Variants in CNKSR3 observed in about 807,000 individuals in gnomAD.
The protein encoded by CNKSR3 is CNKSR family member 3, also known as connector enhancer of kinase suppressor of ras 3.
CNKSR3 carries 36 observed loss-of-function variants against 67.7 expected under a neutral mutation model. The ratio of observed to expected loss-of-function variants is 0.53; its 90% confidence interval spans 0.41 to 0.70. CNKSR3 has a LOEUF of 0.70. CNKSR3 is among the 30% of genes least tolerant of loss of function. The pLI is 0.00. For synonymous variants in CNKSR3, 281 were observed against 271.4 expected (o/e 1.04, Z -0.35); for missense variants, 630 against 695.2 (o/e 0.91, Z 1.05).
intron 4 of CNKSR3, among the ~76,000 whole-genome samples, chr6:154,435,646 C>A (rs72995423): frequency 6.6e-6 from 1 of 152,180 alleles, no homozygotes; most frequent in South Asian, 2.1e-4. Flanking sequence ...TGTTTTTTGG[C>A]ATGAAGGCAA....
chr6:154,445,278 T>C (rs947243972), intron 2 of CNKSR3, among the ~76,000 whole-genome samples: 5 of 152,218 alleles, frequency 3.3e-5, no homozygotes, highest in Non-Finnish European at 7.3e-5. Context: ...TATTTTTCTA[T>C]CTAAATGTGA....
chr6:154,506,328 A>T (rs529074947), intron 1 of CNKSR3, among the ~76,000 whole-genome samples: 1 of 152,326 alleles, frequency 6.6e-6, no homozygotes, highest in East Asian at 1.9e-4. Context: ...GGAGGTAGTG[A>T]GGGAGGGAGG....
intron 8 of CNKSR3, 79 bp downstream of exon 8, chr6:154,422,836 T>C: frequency 7.5e-7 from 1 of 1,327,546 alleles, no homozygotes; most frequent in Non-Finnish European, 1.1e-6. Context: ...GCGGCAAATT[T>C]TAAAAATTTA....
In CNKSR3 at chr6:154,411,005, T is replaced by C. The variant is rs558890277; in HGVS notation, c.1208A>G (p.Asp403Gly). ...RRRRFTIADS[D>G]QLPGYSVETN... is the part of the protein sequence containing the mutation. Reference sequence around the variant, plus strand: ...TTCCACCGAGTACCCAGGCAACTGATCCGAGTCTGCAATGGTGAATCTTCG... The same window carrying C: ...TTCCACCGAGTACCCAGGCAACTGACCCGAGTCTGCAATGGTGAATCTTCG... Residue 403 changes from aspartate (D) to glycine (G), a missense_variant, in exon 11 of 13, where the codon GAT becomes GGT. Physicochemically the swap from Asp to Gly is moderately conservative, Grantham distance 94. This residue lies in a region of CNKSR3 where 308 missense variants were observed against 299.6 expected (regional missense o/e 1.03). Transcript: ENST00000607772. The C allele has an allele frequency of 1.9e-6, 3 of 1,614,180 alleles. No individual in the cohort carries two copies. The highest frequency in any genetic ancestry group is 1.1e-5 in the South Asian group (1 of 91,068).
intron 2 of CNKSR3, among the ~76,000 whole-genome samples, chr6:154,443,057 C>T (rs1019078439): frequency 2.0e-5 from 3 of 152,056 alleles, no homozygotes; most frequent in Non-Finnish European, 4.4e-5. Flanking sequence ...ACCACCATGC[C>T]GGGCTAATTT....
At chr6:154,506,495 C>G (rs1787106822) in intron 1 of CNKSR3, among the ~76,000 whole-genome samples, 2 of 152,248 alleles carry the variant, frequency 1.3e-5, no homozygotes, top group African/African-American at 2.4e-5. Context: ...AAGGGGAAGA[C>G]TTGGCTGCTA....
At chr6:154,489,979 C>G (rs1394409828) in intron 1 of CNKSR3, among the ~76,000 whole-genome samples, 1 of 152,164 alleles carries the variant, frequency 6.6e-6, no homozygotes, top group Non-Finnish European at 1.5e-5. Flanking sequence ...CGCCTTCCCC[C>G]ACCCCAGTCT....
At chr6:154,490,901 C>A (rs1786772407) in intron 1 of CNKSR3, among the ~76,000 whole-genome samples, 1 of 151,822 alleles carries the variant, frequency 6.6e-6, no homozygotes, top group East Asian at 1.9e-4. Context: ...GGCTGGAGTG[C>A]AATGGCATGA....
Position 154,510,236 on chromosome 6 carries a change from G to A in CNKSR3, c.-122C>T. 2 of 1,144,660 alleles carry A rather than the reference G, an allele frequency of 1.7e-6. No homozygotes were observed. The highest frequency in any genetic ancestry group is 1.5e-5 in the African/African-American group (1 of 65,876). 70.9% of individuals were successfully genotyped at this position (1,144,660 alleles called of 1,614,324 possible). ...TGCTCCCCTGCGCCCGAGCGACTCC[G>A]TCAAGACTGCATGGCCGCGGTCAGC... On this transcript the variant is annotated 5_prime_UTR_variant, in exon 1 of 13. It adds an upstream start codon to the 5' untranslated region. Coordinates refer to ENST00000607772, the MANE Select transcript of CNKSR3 (RefSeq NM_173515.4).
intron 1 of CNKSR3, among the ~76,000 whole-genome samples, chr6:154,488,448 A>G (rs938083661): frequency 5.3e-5 from 8 of 152,220 alleles, no homozygotes; most frequent in Non-Finnish European, 1.0e-4. Context: ...TGAGAGCATG[A>G]CTTTAGGAGA....
intron 2 of CNKSR3, among the ~76,000 whole-genome samples, chr6:154,442,502 G>C (rs1207755865): frequency 6.6e-6 from 1 of 151,936 alleles, no homozygotes; most frequent in Non-Finnish European, 1.5e-5. Flanking sequence ...GGCGCCTGTA[G>C]TCCCAGCTAC....
chr6:154,438,223 A>T (rs1417335303), intron 4 of CNKSR3, among the ~76,000 whole-genome samples: 5 of 152,160 alleles, frequency 3.3e-5, no homozygotes, highest in Non-Finnish European at 7.3e-5. Flanking sequence ...TTTTATAAAT[A>T]AAATTTTTTG....
intron 1 of CNKSR3, among the ~76,000 whole-genome samples, chr6:154,487,070 C>T (rs1005745487): frequency 2.0e-5 from 3 of 152,196 alleles, no homozygotes; most frequent in African/African-American, 7.2e-5. Context: ...TGCCACCACA[C>T]CCAGCTAATT....
intron 7 of CNKSR3, 139 bp from the exon 8 acceptor site, chr6:154,423,122 C>T: frequency 1.7e-6 from 1 of 596,882 alleles, no homozygotes; most frequent in Non-Finnish European, 3.0e-6. Flanking sequence ...CACTTTATTC[C>T]CCTGAGACTA....
intron 1 of CNKSR3, among the ~76,000 whole-genome samples, chr6:154,460,274 CTT>C (rs1786051417): frequency 6.6e-6 from 1 of 152,184 alleles, no homozygotes. Flanking sequence ...CAATATTCTC[CTT>C]TGAGTCCTCC....
chr6:154,454,104 C>CACAGAGAGAGAGAGAGAG (rs1268729108), intron 1 of CNKSR3, among the ~76,000 whole-genome samples: 2 of 116,288 alleles, frequency 1.7e-5, no homozygotes, highest in Admixed American at 8.7e-5. Flanking sequence ...CACACACACA[C>CACAGAGAGAGAGAGAGAG]AGAGAGAGAG....
intron 9 of CNKSR3, among the ~76,000 whole-genome samples, chr6:154,421,026 T>C (rs9478542): frequency 0.46 from 70,410 of 151,576 alleles, 16,695 homozygotes; most frequent in Non-Finnish European, 0.5. Flanking sequence ...TTTTTGTTTT[T>C]GTTTTGAGAC....
chr6:154,494,585 A>G (rs1389319208), intron 1 of CNKSR3, among the ~76,000 whole-genome samples: 1 of 152,130 alleles, frequency 6.6e-6, no homozygotes, highest in African/African-American at 2.4e-5. Flanking sequence ...AGCTAATCCT[A>G]TTAAGTAAAG....
chr6:154,415,227 C>CCTTTTTTTTTTTTTTTTTTTTT (rs773533317), intron 9 of CNKSR3, among the ~76,000 whole-genome samples: 2 of 112,766 alleles, frequency 1.8e-5, no homozygotes, highest in East Asian at 3.6e-4. Flanking sequence ...ACTAGCTGCC[C>CCTTTTTTTTTTTTTTTTTTTTT]ATTTTTTTTT....
Sources: allele counts gnomAD v4.1 joint callset (sites outside exome capture counted in the v4.1 genomes callset), GRCh38; gene constraint gnomAD v4.1.1; regional missense constraint gnomAD v4.1.1; transcripts MANE v1.5; gene names NCBI Gene and HGNC (gene_info 2026-07-23, HGNC 2026-07-21).